GRIK3: variants seen among roughly 807,000 people sequenced by gnomAD.
GRIK3 encodes the protein glutamate receptor ionotropic, kainate 3.
A neutral mutation model predicts 102.5 loss-of-function variants in GRIK3; 29 were observed. The observed-to-expected ratio is 0.28, with a 90% CI of 0.21 to 0.39. GRIK3 has a LOEUF of 0.39. GRIK3 is among the 10% of genes least tolerant of loss of function. The pLI, the probability that GRIK3 is intolerant of heterozygous loss-of-function variation, is 1.00. For missense variants in GRIK3, 908 were observed against 1,252.4 expected (o/e 0.73, Z 4.15); for synonymous variants, 511 against 504.9 (o/e 1.01, Z -0.16).
intron 1 of GRIK3, among the ~76,000 whole-genome samples, chr1:36,960,878 T>C (rs1642000150): frequency 2.6e-5 from 4 of 152,244 alleles, no homozygotes; most frequent in African/African-American, 9.6e-5. Flanking sequence ...TAGGACAAGC[T>C]GGGGAGATGG....
At chr1:36,860,180 C>T (rs373016016) in intron 5 of GRIK3, among the ~76,000 whole-genome samples, 163 bp from the exon 6 acceptor site, 2 of 152,198 alleles carry the variant, frequency 1.3e-5, no homozygotes, top group South Asian at 2.1e-4. Flanking sequence ...GTCACAGGAG[C>T]ACCCATAGGA....
Position 36,967,746 on chromosome 1 carries a change from T to C in GRIK3, c.115+66248A>G, listed in dbSNP as rs565499548. Among the ~76,000 whole-genome samples, 8 of 152,372 alleles carry C rather than the reference T, an allele frequency of 5.3e-5. No individual in the cohort carries two copies. In the East Asian group the frequency reaches 9.6e-4, roughly 18 times the overall value. ...ACACACTGAGTCAGAAGCCCAACTT[T>C]ACCACCTATAGACAGGTTACTTAAA... On this transcript the variant is annotated intron_variant, in intron 1 of 15. Transcript: ENST00000373091.
At chr1:36,809,360 C>T (rs1642537033) in intron 13 of GRIK3, among the ~76,000 whole-genome samples, 1 of 152,082 alleles carries the variant, frequency 6.6e-6, no homozygotes, top group Non-Finnish European at 1.5e-5. Context: ...TCTATCCAAC[C>T]ATCTATCTAT....
At chr1:36,904,673 T>C (rs1641266690) in intron 1 of GRIK3, among the ~76,000 whole-genome samples, 1 of 152,190 alleles carries the variant, frequency 6.6e-6, no homozygotes. Flanking sequence ...GAACAACTTG[T>C]AGGCATTATC....
chr1:36,947,736 T>G (rs1307478817), intron 1 of GRIK3, among the ~76,000 whole-genome samples: 1 of 152,142 alleles, frequency 6.6e-6, no homozygotes, highest in Non-Finnish European at 1.5e-5. Flanking sequence ...GCTGCTATTT[T>G]CTATCCTCCT....
rs1291089653 is a variant in GRIK3, at chr1:36,799,254, CCTCT to C, written c.*2593_*2596del. 1 of 152,222 alleles carries C rather than the reference CCTCT, an allele frequency of 6.6e-6. No individual in the cohort carries two copies. Among genetic ancestry groups the C allele is most frequent in the Admixed American group, 6.5e-5 (1 of 15,284 alleles). 9.4% of individuals were successfully genotyped at this position (152,222 alleles called of 1,614,324 possible). On this transcript the variant is annotated 3_prime_UTR_variant, in exon 16 of 16. Coordinates refer to ENST00000373091, the MANE Select transcript of GRIK3 (RefSeq NM_000831.4). ...CAAGTGTGCCCATGCAACCTTGGAA[CCTCT>C]CTGTGACAAATGATCTCTCCCATGA... is the stretch of plus-strand genomic sequence containing the variant.
intron 1 of GRIK3, among the ~76,000 whole-genome samples, chr1:37,009,596 G>T (rs138117455): frequency 6.6e-6 from 1 of 152,188 alleles, no homozygotes; most frequent in Admixed American, 6.5e-5. Flanking sequence ...GGCTGGAGGG[G>T]TGTGTGTGTA....
At chr1:36,895,362 T>C (rs939949883) in intron 1 of GRIK3, among the ~76,000 whole-genome samples, 3 of 151,934 alleles carry the variant, frequency 2.0e-5, no homozygotes, top group Non-Finnish European at 4.4e-5. Context: ...CTATGATTAA[T>C]ATGCTAAGGG....
At chr1:36,921,804 G>T in intron 1 of GRIK3, among the ~76,000 whole-genome samples, 1 of 152,052 alleles carries the variant, frequency 6.6e-6, no homozygotes, top group South Asian at 2.1e-4. Flanking sequence ...GCAGGAGAAG[G>T]AGTTTCCACT....
chr1:36,989,778 A>G (rs1264588184), intron 1 of GRIK3, among the ~76,000 whole-genome samples: 1 of 152,078 alleles, frequency 6.6e-6, no homozygotes, highest in Non-Finnish European at 1.5e-5. Context: ...TGTCCCAACC[A>G]CAATCTCAGC....
At chr1:36,896,524 G>A (rs1641174048) in intron 1 of GRIK3, among the ~76,000 whole-genome samples, 1 of 152,044 alleles carries the variant, frequency 6.6e-6, no homozygotes, top group Admixed American at 6.6e-5. Context: ...TGATAAGTGA[G>A]GAGAGGAAAT....
chr1:36,887,769 A>ATATATATAT (rs1491580653), intron 2 of GRIK3, among the ~76,000 whole-genome samples: 7 of 90,318 alleles, frequency 7.8e-5, no homozygotes, highest in African/African-American at 2.7e-4. Flanking sequence ...AAAAAAAAAA[A>ATATATATAT]AAATATATAT....
At chr1:36,822,260 T>C (rs981807981) in intron 11 of GRIK3, among the ~76,000 whole-genome samples, 1 of 152,246 alleles carries the variant, frequency 6.6e-6, no homozygotes, top group Non-Finnish European at 1.5e-5. Flanking sequence ...TTCAACAGGA[T>C]GAAGTTCCAG....
chr1:36,795,917 C>A lies in GRIK3; in HGVS notation c.*5934G>T, dbSNP rs1642359413. On this transcript the variant is annotated 3_prime_UTR_variant, in exon 16 of 16. Transcript: ENST00000373091. ...TCAGCCCAGAGCCTGGGAACTGAGG[C>A]CCCTACCATGGGAGGCCCAACCAGG... 1 of 152,316 alleles carries A rather than the reference C, an allele frequency of 6.6e-6. No individual in the cohort carries two copies. Among genetic ancestry groups the A allele is most frequent in the East Asian group, 1.9e-4 (1 of 5,172 alleles). 9.4% of individuals were successfully genotyped at this position (152,316 alleles called of 1,614,324 possible). A position where few individuals can be genotyped will look rare whatever the true frequency, so the allele number is the denominator to read the frequency against.
At chr1:36,857,946 A>C (rs2124237142) in intron 7 of GRIK3, among the ~76,000 whole-genome samples, 1 of 152,306 alleles carries the variant, frequency 6.6e-6, no homozygotes, top group Admixed American at 6.5e-5. Flanking sequence ...CATAGCTAGG[A>C]GCCTGGAACC....
At chr1:37,012,048 C>T (rs375415886) in intron 1 of GRIK3, among the ~76,000 whole-genome samples, 2 of 152,160 alleles carry the variant, frequency 1.3e-5, no homozygotes, top group South Asian at 2.1e-4. Context: ...AGGTGCTGGC[C>T]GAGGCAGCAA....
intron 1 of GRIK3, among the ~76,000 whole-genome samples, chr1:36,998,638 G>A (rs904642151): frequency 1.3e-5 from 2 of 152,192 alleles, no homozygotes; most frequent in African/African-American, 4.8e-5. Flanking sequence ...GCCTCCCGAT[G>A]GGTTTGTGCC....
intron 1 of GRIK3, among the ~76,000 whole-genome samples, chr1:37,032,280 A>T (rs2124095993): frequency 6.6e-6 from 1 of 152,130 alleles, no homozygotes; most frequent in Non-Finnish European, 1.5e-5. Context: ...GCCTCCAAAG[A>T]CTTCCATCCC....
rs1196193171 is a variant in GRIK3 at position 36,819,890 on chromosome 1, G to T, written c.1755-36C>A. On this transcript the variant is annotated intron_variant, in intron 11 of 15. Coordinates refer to ENST00000373091, the MANE Select transcript of GRIK3 (RefSeq NM_000831.4). The surrounding 1 kb of genome is among the most constrained non-coding windows in gnomAD (Gnocchi z 4.1). ...AGGAGAGGGACAGTCAGCCTGGGAA[G>T]CAAGGGGCATCCACGCCCCAGCAGG... 8.9e-7 allele frequency: 1 copy of T among 1,127,258 alleles called. No homozygotes were observed. Among genetic ancestry groups the T allele is most frequent in the Non-Finnish European group, 1.3e-6 (1 of 752,180 alleles). The allele number at this position is 1,127,258 out of a possible 1,614,324, so 69.8% of individuals were successfully genotyped here.
Sources: gnomAD v4.1 joint callset for allele counts (sites outside exome capture counted in the v4.1 genomes callset) on GRCh38, gnomAD v4.1.1 for gene constraint, Gnocchi (gnomAD v3.1) non-coding constraint, MANE v1.5 for transcripts, NCBI Gene and HGNC (gene_info 2026-07-23, HGNC 2026-07-21) for gene names.